The following RAB10 variants were observed in gnomAD, a reference collection of about 807,000 sequenced individuals.
RAB10 encodes the protein ras-related protein Rab-10.
In RAB10, 5 loss-of-function variants were observed where a neutral mutation model predicts 25.7. The observed-to-expected ratio is 0.19, with a 90% CI of 0.10 to 0.41. The LOEUF (loss-of-function observed/expected upper bound fraction) is 0.41, where lower values mean the gene tolerates loss of function less well. Ranked by LOEUF, RAB10 falls within the 10% of genes least tolerant of loss-of-function variation. The pLI, the probability that RAB10 is intolerant of heterozygous loss-of-function variation, is 1.00. For missense variants in RAB10, 103 were observed against 245.8 expected (o/e 0.42, Z 3.89); for synonymous variants, 89 against 86.4 (o/e 1.03, Z -0.16).
intron 1 of RAB10, among the ~76,000 whole-genome samples, chr2:26,048,392 T>G (rs1009928222): frequency 3.3e-5 from 5 of 152,228 alleles, no homozygotes; most frequent in African/African-American, 1.2e-4. Flanking sequence ...CATACTATTT[T>G]GTACTGTAGT....
chr2:26,060,485 G>A (rs1315657440), intron 1 of RAB10, among the ~76,000 whole-genome samples: 1 of 151,998 alleles, frequency 6.6e-6, no homozygotes, highest in African/African-American at 2.4e-5. Flanking sequence ...GTAGAGATGG[G>A]GTTTCACCGT....
chr2:26,099,870 T>C (rs1328798610), intron 2 of RAB10, among the ~76,000 whole-genome samples: 1 of 152,008 alleles, frequency 6.6e-6, no homozygotes, highest in African/African-American at 2.4e-5. Flanking sequence ...TAGATCCCAT[T>C]TTCATTTATG....
intron 1 of RAB10, among the ~76,000 whole-genome samples, chr2:26,073,492 C>G (rs1271746849): frequency 6.6e-6 from 1 of 152,222 alleles, no homozygotes; most frequent in African/African-American, 2.4e-5. Flanking sequence ...GTAGCTGTCA[C>G]CAGGATCAGA....
chr2:26,129,506 G>C (rs1051334665), intron 5 of RAB10, among the ~76,000 whole-genome samples: 2 of 152,128 alleles, frequency 1.3e-5, no homozygotes, highest in African/African-American at 4.8e-5. Flanking sequence ...CTGTAGTAGA[G>C]GTGGTATGTC....
intron 1 of RAB10, among the ~76,000 whole-genome samples, chr2:26,072,422 C>T (rs1427606501): frequency 6.6e-6 from 1 of 151,286 alleles, no homozygotes; most frequent in Non-Finnish European, 1.5e-5. Flanking sequence ...CTAAAAAATA[C>T]ATATATAATA....
intron 1 of RAB10, among the ~76,000 whole-genome samples, chr2:26,089,164 C>T (rs1019028322): frequency 6.6e-6 from 1 of 151,780 alleles, no homozygotes. Flanking sequence ...ATGGCTCATG[C>T]CTGTAATCCT....
chr2:26,113,691 A>C (rs1385220973), intron 3 of RAB10, among the ~76,000 whole-genome samples: 1 of 151,884 alleles, frequency 6.6e-6, no homozygotes, highest in African/African-American at 2.4e-5. Flanking sequence ...CATGGCAAGA[A>C]TATCTACTCT....
chr2:26,118,065 C>T lies in RAB10; in HGVS notation c.327+8159C>T, dbSNP rs191362441. Among the ~76,000 whole-genome samples the T allele has an allele frequency of 2.1e-3, 322 of 151,298 alleles. 1 individual carries two copies. The highest frequency in any genetic ancestry group is 7.6e-3 in the African/African-American group (314 of 41,202). On this transcript the variant is annotated intron_variant, in intron 3 of 5. Coordinates refer to ENST00000264710, the MANE Select transcript of RAB10 (RefSeq NM_016131.5). ...TCAGCTCACTGCAAACTCCACCTCC[C>T]GGATTCAAGTGGTTCTCCTGCCTCA...
intron 1 of RAB10, among the ~76,000 whole-genome samples, chr2:26,054,627 C>T (rs1666210505): frequency 6.6e-6 from 1 of 152,174 alleles, no homozygotes; most frequent in African/African-American, 2.4e-5. Context: ...CAAACATTAA[C>T]TCTCTAAGAG....
At chr2:26,053,035 A>G (rs1666169378) in intron 1 of RAB10, among the ~76,000 whole-genome samples, 1 of 152,176 alleles carries the variant, frequency 6.6e-6, no homozygotes, top group Non-Finnish European at 1.5e-5. Flanking sequence ...ATTCATTGAA[A>G]TGGAGGAAAA....
In RAB10 at chr2:26,090,677, T is replaced by C. The variant is rs1667086723; in HGVS notation, c.128-7985T>C. Among the ~76,000 whole-genome samples, 2 of 152,056 alleles carry C rather than the reference T, an allele frequency of 1.3e-5. 1 individual carries two copies. Among genetic ancestry groups the C allele is most frequent in the South Asian group, 4.2e-4 (2 of 4,794 alleles). ...GGCCGGATGCAGTGGCTCATGTTTG[T>C]AATCCCAGCACTTTGGGAGACCAAG... On this transcript the variant is annotated intron_variant, in intron 1 of 5. Transcript: ENST00000264710.
At chr2:26,132,759 A>T (rs1413208035) in intron 5 of RAB10, among the ~76,000 whole-genome samples, 1 of 92,778 alleles carries the variant, frequency 1.1e-5, no homozygotes, top group Non-Finnish European at 2.1e-5. Flanking sequence ...TCCGCAAGAG[A>T]TACCCCCCCC....
chr2:26,127,909 C>T lies in RAB10; in HGVS notation c.477C>T (p.Ile159=), dbSNP rs201936806. The T allele has an allele frequency of 2.2e-5, 35 of 1,611,134 alleles. No individual in the cohort carries two copies. Among genetic ancestry groups the T allele is most frequent in the Middle Eastern group, 1.7e-4 (1 of 6,058 alleles). ...FETSAKANIN[I]EKAFLTLAED... ...CTAGTGCAAAAGCAAATATAAACAT[C>T]GAAAAGGCGTTCCTCACGTTAGCTG... The change falls in exon 5 of 6, where the codon ATC becomes ATT. Residue 159 remains isoleucine (I), a synonymous_variant. Transcript: ENST00000264710.
chr2:26,044,647 A>G (rs10469961), intron 1 of RAB10, among the ~76,000 whole-genome samples: 4,258 of 151,452 alleles, frequency 0.028, 203 homozygotes, highest in African/African-American at 0.099. Flanking sequence ...CCGGGTTCAG[A>G]TGATTCTCCT....
chr2:26,095,619 A>AT (rs1181213743), intron 1 of RAB10, among the ~76,000 whole-genome samples: 39 of 151,522 alleles, frequency 2.6e-4, no homozygotes, highest in African/African-American at 9.4e-4. Context: ...AAAAAAAAAA[A>AT]GCAAGCTCAG....
chr2:26,128,695 G>A (rs1213486620), intron 5 of RAB10, among the ~76,000 whole-genome samples: 2 of 152,134 alleles, frequency 1.3e-5, no homozygotes, highest in South Asian at 2.1e-4. Flanking sequence ...AATAAAGGGC[G>A]TGTACATATT....
intron 1 of RAB10, among the ~76,000 whole-genome samples, chr2:26,084,122 G>T (rs1212470793): frequency 6.6e-6 from 1 of 152,052 alleles, no homozygotes. Flanking sequence ...TATTTTCTCT[G>T]CCTGGAACAC....
chr2:26,112,509 A>G (rs1225761546), intron 3 of RAB10, among the ~76,000 whole-genome samples: 1 of 152,222 alleles, frequency 6.6e-6, no homozygotes, highest in African/African-American at 2.4e-5. Flanking sequence ...AAGACCTAAT[A>G]TATGTTTTTA....
intron 1 of RAB10, among the ~76,000 whole-genome samples, chr2:26,052,115 T>C (rs1198941525): frequency 1.3e-5 from 2 of 150,890 alleles, no homozygotes; most frequent in Admixed American, 6.6e-5. Flanking sequence ...TGGTGACTTA[T>C]GCCTGTAATC....
Sources: allele counts gnomAD v4.1 joint callset (sites outside exome capture counted in the v4.1 genomes callset), GRCh38; gene constraint gnomAD v4.1.1; transcripts MANE v1.5; gene names NCBI Gene and HGNC (gene_info 2026-07-23, HGNC 2026-07-21).